Variants in CHAT observed in about 807,000 individuals in gnomAD.
CHAT encodes choline O-acetyltransferase.
CHAT carries 61 observed loss-of-function variants against 76.9 expected under a neutral mutation model. That is an observed-to-expected ratio of 0.79 (90% CI 0.65 to 0.98). CHAT has a LOEUF of 0.98. CHAT is among the 50% of genes least tolerant of loss of function. CHAT has a pLI of 0.00. For synonymous variants in CHAT, 407 were observed against 397.4 expected, an observed-to-expected ratio of 1.02 and a Z score of -0.29; for missense variants, 946 against 986.9, an observed-to-expected ratio of 0.96 and a Z score of 0.56.
intron 7 of CHAT, among the ~76,000 whole-genome samples, chr10:49,634,821 G>C (rs1376950751): frequency 6.6e-6 from 1 of 152,092 alleles, no homozygotes; most frequent in African/African-American, 2.4e-5. Context: ...TGGGAAGAGT[G>C]GTTAGAACCC....
rs1338495900 is a variant in CHAT, at chr10:49,666,948, CT to C, written c.*1903del. Among the ~76,000 whole-genome samples, 1 of 152,128 alleles carries C rather than the reference CT, an allele frequency of 6.6e-6. No homozygotes were observed. Among genetic ancestry groups the C allele is most frequent in the Non-Finnish European group, 1.5e-5 (1 of 68,024 alleles). On this transcript the variant is annotated 3_prime_UTR_variant, in exon 15 of 15. Coordinates refer to ENST00000337653, the MANE Select transcript of CHAT (RefSeq NM_020549.5). ...CTGAGTTCTCCTCCGGTTCCTTTCC[CT>C]CCATGGATTTCTGCGCAGACATAGA...
At chr10:49,619,538 G>A (rs1590560637) in intron 2 of CHAT, among the ~76,000 whole-genome samples, 187 bp from the exon 3 acceptor site, 1 of 152,170 alleles carries the variant, frequency 6.6e-6, no homozygotes, top group East Asian at 1.9e-4. Context: ...AGAGCACAAT[G>A]AGGTCAGGGA....
rs553911915 is a variant in CHAT, at chr10:49,667,512, A to G, written c.*2466A>G. On this transcript the variant is annotated 3_prime_UTR_variant, in exon 15 of 15. Coordinates refer to ENST00000337653, the MANE Select transcript of CHAT (RefSeq NM_020549.5). ...AGGGAACACTTCCTCTCTCTGAGGAAGAGGCTGGAAGCTGGTCTTCCCCCT... is the reference window on the plus strand; with the variant it reads ...AGGGAACACTTCCTCTCTCTGAGGAGGAGGCTGGAAGCTGGTCTTCCCCCT... 1.8e-4 allele frequency among the ~76,000 whole-genome samples: 28 copies of G among 152,332 alleles called. No individual in the cohort carries two copies. Among genetic ancestry groups the G allele is most frequent in the African/African-American group, 6.3e-4 (26 of 41,572 alleles).
At position 49,619,842 on chromosome 10, in the gene CHAT, T is replaced by C; in HGVS notation, c.505T>C (p.Phe169Leu). The change falls in exon 3 of 15, where the codon TTT becomes CTT. Residue 169 changes from phenylalanine (F) to leucine (L), a missense_variant. Phe to Leu is a conservative substitution (Grantham distance 22). Transcript: ENST00000337653. ...FRKSQAIVQQ[F>L]GAPGGLGETL... ...GAAGAGCCAGGCCATTGTGCAGCAG[T>C]TTGGGGCCCCTGGTGGCCTCGGCGA... 6.2e-7 allele frequency: 1 copy of C among 1,613,696 alleles called. No individual in the cohort carries two copies.
At chr10:49,631,259 A>G (rs1839109414) in intron 7 of CHAT, among the ~76,000 whole-genome samples, 1 of 152,198 alleles carries the variant, frequency 6.6e-6, no homozygotes, top group African/African-American at 2.4e-5. Flanking sequence ...GACACCTGCT[A>G]TCTTACAGTT....
intron 5 of CHAT, among the ~76,000 whole-genome samples, chr10:49,623,684 C>T (rs139426392): frequency 1.5e-3 from 235 of 152,334 alleles, no homozygotes; most frequent in Non-Finnish European, 2.6e-3. Flanking sequence ...GCCTCTCCCT[C>T]CCCATTCCCC....
At chr10:49,610,619 C>T, upstream of CHAT, 1 of 1,003,232 alleles carries the variant, frequency 1.0e-6, no homozygotes. Context: ...CCACCTGAGG[C>T]ACAGGGGAGT....
intron 2 of CHAT, among the ~76,000 whole-genome samples, chr10:49,618,410 G>A (rs1564471383): frequency 6.6e-6 from 1 of 152,144 alleles, no homozygotes; most frequent in Admixed American, 6.5e-5. Context: ...TACAGGAGAA[G>A]AAACTGTACA....
rs936080497 is a variant in CHAT, at chr10:49,616,521, T to C, written c.306T>C (p.Pro102=). 1.2e-6 allele frequency: 2 copies of C among 1,612,690 alleles called. No homozygotes were observed. Among genetic ancestry groups the C allele is most frequent in the African/African-American group, 2.7e-5 (2 of 74,874 alleles). ...CCCCAGGTCCACACCTCTGCATCCCTGCACCAGGACTCACCAAGACGCCCA... is the reference window on the plus strand; with the variant it reads ...CCCCAGGTCCACACCTCTGCATCCCCGCACCAGGACTCACCAAGACGCCCA... The part of the protein sequence containing the change: ...PRRAGPHLCI[P]APGLTKTPIL... The change falls in exon 2 of 15, where the codon CCT becomes CCC. Residue 102 remains proline, a synonymous_variant. Transcript: ENST00000337653.
intron 13 of CHAT, among the ~76,000 whole-genome samples, chr10:49,660,229 A>G (rs1214515863): frequency 2.6e-5 from 4 of 152,136 alleles, no homozygotes; most frequent in African/African-American, 7.2e-5. Flanking sequence ...TCACAAGGTC[A>G]GGAGATCGAG....
chr10:49,611,739 G>A (rs1323911631), upstream of CHAT: 4 of 1,604,874 alleles, frequency 2.5e-6, no homozygotes, highest in Non-Finnish European at 3.4e-6. Context: ...CCTGGCTGCC[G>A]GCCTTCGTGC....
intron 2 of CHAT, among the ~76,000 whole-genome samples, chr10:49,618,994 C>G (rs887775048): frequency 1.3e-5 from 2 of 152,156 alleles, no homozygotes; most frequent in East Asian, 1.9e-4. Flanking sequence ...TGCATCCCCA[C>G]CCCTGCCCCT....
At chr10:49,664,681 T>C in intron 14 of CHAT, 96 bp from the exon 15 acceptor site, 1 of 1,475,968 alleles carries the variant, frequency 6.8e-7, no homozygotes, top group Non-Finnish European at 9.5e-7. Context: ...GTTAATTCAG[T>C]CAAACCCCCA....
At chr10:49,660,715 C>T (rs974952369) in intron 13 of CHAT, among the ~76,000 whole-genome samples, 19 of 151,986 alleles carry the variant, frequency 1.3e-4, no homozygotes, top group Non-Finnish European at 5.9e-5. Context: ...AGGAAAACAC[C>T]CTCCAAAGCA....
chr10:49,629,590 CGCCCTTCAGGGCTG>C (rs1307259230), intron 7 of CHAT, among the ~76,000 whole-genome samples: 3 of 152,246 alleles, frequency 2.0e-5, no homozygotes, highest in Non-Finnish European at 4.4e-5. Flanking sequence ...GCCCAAGACA[CGCCCTTCAGGGCTG>C]GCTGGATTGC....
upstream of CHAT, chr10:49,611,814 G>A (rs1199148046): frequency 1.2e-6 from 2 of 1,603,716 alleles, no homozygotes; most frequent in Admixed American, 3.3e-5. Context: ...TGCAGTGGCT[G>A]TACGGCGCGC....
At position 49,649,912 on chromosome 10, in the gene CHAT, G is replaced by A. The variant is rs535569168; in HGVS notation, c.1511+276G>A. Among the ~76,000 whole-genome samples, 6 of 137,190 alleles carry A rather than the reference G, an allele frequency of 4.4e-5. No homozygotes were observed. In the South Asian group the frequency reaches 9.3e-4, roughly 21 times the overall value. The allele number at this position is 137,190 out of a possible 152,430, so 90.0% of individuals were successfully genotyped here. Reference sequence around the variant, plus strand: ...TTTTTTTTCAGTTTCACCTGACTGAGCAGAGTCAAGGCCGGGAAATCATCC... The same window carrying A: ...TTTTTTTTCAGTTTCACCTGACTGAACAGAGTCAAGGCCGGGAAATCATCC... On this transcript the variant is annotated intron_variant, in intron 10 of 14. Transcript: ENST00000337653.
intron 7 of CHAT, among the ~76,000 whole-genome samples, chr10:49,636,042 A>G (rs1839283721): frequency 6.6e-6 from 1 of 152,218 alleles, no homozygotes; most frequent in Admixed American, 6.5e-5. Context: ...CTACAACTCC[A>G]AAAACTCCTA....
chr10:49,625,717 C>T lies in CHAT; in HGVS notation c.933+64C>T, dbSNP rs1396087299. ...CATACAGTGGCCATGCGTTCACGTC[C>T]ATTACCTTCTCCGAGGGGGCTCAGC... is the stretch of plus-strand genomic sequence containing the variant. On this transcript the variant is annotated intron_variant, in intron 6 of 14. Coordinates refer to ENST00000337653, the MANE Select transcript of CHAT (RefSeq NM_020549.5). The T allele has an allele frequency of 2.0e-6, 3 of 1,480,604 alleles. No homozygotes were observed. In the African/African-American group the frequency reaches 4.2e-5, roughly 21 times the overall value. 91.7% of individuals were successfully genotyped at this position (1,480,604 alleles called of 1,614,324 possible).
Sources: gnomAD v4.1 joint callset for allele counts (sites outside exome capture counted in the v4.1 genomes callset) on GRCh38, gnomAD v4.1.1 for gene constraint, MANE v1.5 for transcripts, NCBI Gene and HGNC (gene_info 2026-07-23, HGNC 2026-07-21) for gene names.